ZZEF1: variants seen among roughly 807,000 people sequenced by gnomAD.
The protein encoded by ZZEF1 is zinc finger ZZ-type and EF-hand domain containing 1.
Under a neutral mutation model 342.8 loss-of-function variants are expected in ZZEF1, and 157 were observed. The observed-to-expected ratio is 0.46, with a 90% CI of 0.40 to 0.52. The LOEUF (loss-of-function observed/expected upper bound fraction) is 0.52. ZZEF1 is among the 20% of genes least tolerant of loss of function. The probability of loss-of-function intolerance (pLI) is 0.00; values close to 1 mark genes in which losing one functional copy is unlikely to be tolerated. For synonymous variants in ZZEF1, 1,505 were observed against 1,429.1 expected, an observed-to-expected ratio of 1.05 and a Z score of -1.20; for missense variants, 3,480 against 3,725.6, an observed-to-expected ratio of 0.93 and a Z score of 1.72.
At chr17:4,076,609 G>A (rs908514115) in intron 21 of ZZEF1, 28 bp downstream of exon 21, 1 of 1,594,536 alleles carries the variant, frequency 6.3e-7, no homozygotes, top group African/African-American at 1.3e-5. Context: ...AGAGAACACG[G>A]GGCGGCTCAA....
intron 18 of ZZEF1, among the ~76,000 whole-genome samples, chr17:4,080,087 G>A (rs928333576): frequency 6.6e-6 from 1 of 152,094 alleles, no homozygotes; most frequent in East Asian, 1.9e-4. Flanking sequence ...GAAAAATGCA[G>A]GTTCTTAAGC....
At chr17:4,015,944 G>C (rs2676268) in intron 49 of ZZEF1, among the ~76,000 whole-genome samples, 11,102 of 152,174 alleles carry the variant, frequency 0.073, 1,361 homozygotes, top group African/African-American at 0.25. Flanking sequence ...CCACGGTGGG[G>C]GCAGGTCATG....
At chr17:4,142,435 C>A (rs2058874355) in intron 1 of ZZEF1, 107 bp downstream of exon 1, 5 of 1,195,316 alleles carry the variant, frequency 4.2e-6, no homozygotes, top group Non-Finnish European at 5.8e-6. Flanking sequence ...GGAAACACCT[C>A]ATATGGGTCC....
chr17:4,072,593 C>G lies in ZZEF1; in HGVS notation c.3834+15G>C, dbSNP rs774103179. On this transcript the variant is annotated intron_variant, in intron 25 of 54. Coordinates refer to ENST00000381638, the MANE Select transcript of ZZEF1 (RefSeq NM_015113.4). The stretch of plus-strand genomic sequence containing the variant: ...GTTTCCAGTCTAAATAGAAAGAAAA[C>G]GGAAGAGTAAATACCTCCTTACTAT... The G allele has an allele frequency of 6.3e-7, 1 of 1,588,126 alleles. No individual in the cohort carries two copies. Among genetic ancestry groups the G allele is most frequent in the Non-Finnish European group, 8.6e-7 (1 of 1,166,540 alleles).
chr17:4,051,565 C>T (rs1345725711), intron 35 of ZZEF1, among the ~76,000 whole-genome samples: 2 of 151,978 alleles, frequency 1.3e-5, no homozygotes, highest in Admixed American at 6.6e-5. Context: ...GGATTACAGG[C>T]ACCCACCACC....
rs558588815 is a variant in ZZEF1, at chr17:4,142,926, AGCC to A, written c.-34_-32del. 9.4e-5 allele frequency: 123 copies of A among 1,303,100 alleles called. No homozygotes were observed. The highest frequency in any genetic ancestry group is 6.3e-4 in the South Asian group (27 of 43,164). The allele number at this position is 1,303,100 out of a possible 1,614,324, so 80.7% of individuals were successfully genotyped here. A position where few individuals can be genotyped will look rare whatever the true frequency, so the allele number is the denominator to read the frequency against. On this transcript the variant is annotated 5_prime_UTR_variant, in exon 1 of 55. Coordinates refer to ENST00000381638, the MANE Select transcript of ZZEF1 (RefSeq NM_015113.4). ...CTCCGTCTTGGGCGCCTGGCTCTGC[AGCC>A]GCCGCCGCCGCCTCCCCGCCTCGAC... is the stretch of plus-strand genomic sequence containing the variant.
At chr17:4,138,440 G>A (rs1179303609) in intron 1 of ZZEF1, among the ~76,000 whole-genome samples, 1 of 152,148 alleles carries the variant, frequency 6.6e-6, no homozygotes, top group Non-Finnish European at 1.5e-5. Context: ...ATATTTAACC[G>A]TTTCCTTCAA....
chr17:4,062,804 G>T lies in ZZEF1; in HGVS notation c.4832C>A (p.Pro1611His). ...SLGQPHCFHP[P>H]FILFLLELLT... The stretch of plus-strand genomic sequence containing the variant: ...AAGTTCCAACAGGAAAAGTATGAAA[G>T]GTGGATGGAAGCAGTGGGGCTGCCC... Residue 1611 changes from proline to histidine, a missense_variant, in exon 30 of 55, where the codon CCT becomes CAT. Transcript: ENST00000381638. The T allele has an allele frequency of 6.2e-7, 1 of 1,612,858 alleles. No homozygotes were observed. The highest frequency in any genetic ancestry group is 8.5e-7 in the Non-Finnish European group (1 of 1,179,426).
At chr17:4,046,078 T>G (rs1458745398) in intron 37 of ZZEF1, among the ~76,000 whole-genome samples, 1 of 152,174 alleles carries the variant, frequency 6.6e-6, no homozygotes, top group Non-Finnish European at 1.5e-5. Flanking sequence ...CCACCCATCT[T>G]GGCCTCCCAA....
At chr17:4,076,584 C>A in intron 21 of ZZEF1, 53 bp downstream of exon 21, 1 of 1,573,846 alleles carries the variant, frequency 6.4e-7, no homozygotes, top group South Asian at 1.1e-5. Flanking sequence ...CTAAGTGTGT[C>A]CCATCACTCC....
intron 43 of ZZEF1, among the ~76,000 whole-genome samples, chr17:4,024,202 T>C (rs934875204): frequency 7.0e-6 from 1 of 143,104 alleles, no homozygotes; most frequent in Non-Finnish European, 1.5e-5. Flanking sequence ...TTTTTTTTTT[T>C]TTTTTTTTTT....
chr17:4,019,718 C>T lies in ZZEF1; in HGVS notation c.7456G>A (p.Glu2486Lys), dbSNP rs1184638278. 1.2e-6 allele frequency: 2 copies of T among 1,612,718 alleles called. No individual in the cohort carries two copies. The highest frequency in any genetic ancestry group is 1.1e-5 in the South Asian group (1 of 90,788). Reference protein sequence around the residue: ...APLHILRAIYELQMKKTDYFF... With the variant: ...APLHILRAIYKLQMKKTDYFF... ...TAATCGGTCTTTTTCATCTGCAGTT[C>T]GTATATGGCCCGGAGAATGTGCAGA... Residue 2486 changes from glutamate to lysine, a missense_variant, in exon 46 of 55, where the codon GAA becomes AAA. Glu to Lys is a moderately conservative substitution (Grantham distance 56). Transcript: ENST00000381638.
At chr17:4,128,318 A>T (rs1006907298) in intron 1 of ZZEF1, among the ~76,000 whole-genome samples, 3 of 134,894 alleles carry the variant, frequency 2.2e-5, no homozygotes, top group African/African-American at 8.5e-5. Flanking sequence ...ACCGCACTCC[A>T]GCCTGGGTGA....
At chr17:4,134,087 C>T (rs2058710791) in intron 1 of ZZEF1, among the ~76,000 whole-genome samples, 1 of 151,942 alleles carries the variant, frequency 6.6e-6, no homozygotes, top group South Asian at 2.1e-4. Context: ...AAAACAAAAA[C>T]AAATAATTTT....
chr17:4,101,104 G>A (rs1003429281), intron 9 of ZZEF1, among the ~76,000 whole-genome samples: 2 of 152,128 alleles, frequency 1.3e-5, no homozygotes, highest in African/African-American at 4.8e-5. Flanking sequence ...TTTCTGCACA[G>A]GCTGAGCTGC....
intron 45 of ZZEF1, chr17:4,020,011 ATCCTG>A (rs1432835921): frequency 2.5e-6 from 1 of 402,168 alleles, no homozygotes; most frequent in African/African-American, 2.1e-5. Flanking sequence ...CCAAAGAAAT[ATCCTG>A]TCAACAAAAT....
chr17:4,058,187 G>A, intron 31 of ZZEF1, 32 bp from the exon 32 acceptor site: 1 of 1,588,346 alleles, frequency 6.3e-7, no homozygotes, highest in Non-Finnish European at 8.6e-7. Flanking sequence ...CATTAGCAGA[G>A]CTGCTTACTC....
intron 42 of ZZEF1, among the ~76,000 whole-genome samples, chr17:4,030,270 G>C (rs1414077020): frequency 6.6e-6 from 1 of 152,112 alleles, no homozygotes; most frequent in African/African-American, 2.4e-5. Flanking sequence ...CAGAAAATAA[G>C]AGAAGACGGC....
In ZZEF1 at chr17:4,008,951, G is replaced by C. The variant is rs1304811660; in HGVS notation, c.8737C>G (p.Leu2913Val). Residue 2913 changes from leucine to valine, a missense_variant, in exon 54 of 55, where the codon CTT (leucine) becomes GTT (valine). Leu to Val is a conservative substitution (Grantham distance 32). This residue lies in a region of ZZEF1 where 1,269 missense variants were observed against 1,342.4 expected (regional missense o/e 0.95). Transcript: ENST00000381638. This position sits in a 1 kb window ranked among gnomAD's most constrained non-coding sequence, Gnocchi z 4.2. Reference protein sequence around the residue: ...FFVTENRAQELGVLQDYLLAL... With the variant: ...FFVTENRAQEVGVLQDYLLAL... ...AGCAGGTAATCCTGCAGCACGCCAA[G>C]CTCCTGCAGAGAGAGAGCAGGGGCT... The C allele has an allele frequency of 6.5e-7, 1 of 1,540,856 alleles. No individual in the cohort carries two copies. Among genetic ancestry groups the C allele is most frequent in the Non-Finnish European group, 8.7e-7 (1 of 1,147,086 alleles).
Sources: allele counts gnomAD v4.1 joint callset (sites outside exome capture counted in the v4.1 genomes callset), GRCh38; gene constraint gnomAD v4.1.1; regional missense constraint gnomAD v4.1.1; non-coding constraint Gnocchi (gnomAD v3.1); transcripts MANE v1.5; gene names NCBI Gene and HGNC (gene_info 2026-07-23, HGNC 2026-07-21).